Variants in TEX36 observed in about 807,000 individuals in gnomAD.
TEX36 encodes the protein testis-expressed protein 36.
TEX36 carries 12 observed loss-of-function variants against 13.6 expected under a neutral mutation model. That is an observed-to-expected ratio of 0.88 (90% confidence interval 0.56 to 1.43). The LOEUF (loss-of-function observed/expected upper bound fraction) is 1.43, where lower values mean the gene tolerates loss of function less well. Among genes scored for constraint, TEX36 ranks in the 40% most tolerant of loss-of-function variants. The pLI is 0.00. For synonymous variants in TEX36, 93 were observed against 83.0 expected (o/e 1.12, Z -0.65); for missense variants, 224 against 228.3 (o/e 0.98, Z 0.12).
intron 2 of TEX36, 54 bp from the exon 3 acceptor site, chr10:125,661,155 C>G: frequency 8.5e-6 from 12 of 1,411,366 alleles, no homozygotes; most frequent in Non-Finnish European, 1.2e-5. Context: ...TGCATGCTTT[C>G]AGAACTGGGA....
exon 4 of TEX36, chr10:125,576,596 A>T (rs762426342): frequency 3.6e-5 from 39 of 1,092,394 alleles, no homozygotes; most frequent in Non-Finnish European, 4.8e-5. Context: ...ATTTCTCCAT[A>T]GCTGGAAATT....
chr10:125,606,272 A>C (rs977219150), intron 3 of TEX36, among the ~76,000 whole-genome samples: 2 of 152,232 alleles, frequency 1.3e-5, no homozygotes, highest in Non-Finnish European at 2.9e-5. Context: ...CTATGTTTTC[A>C]AACATCTCTC....
chr10:125,643,305 T>A (rs952067071), intron 3 of TEX36, among the ~76,000 whole-genome samples: 5 of 152,160 alleles, frequency 3.3e-5, no homozygotes, highest in Non-Finnish European at 5.9e-5. Context: ...GAAGAACGTA[T>A]ATACTGCTCA....
intron 3 of TEX36, among the ~76,000 whole-genome samples, chr10:125,609,341 TCAGATGTGTGG>T (rs1423804025): frequency 6.6e-6 from 1 of 152,144 alleles, no homozygotes; most frequent in Non-Finnish European, 1.5e-5. Flanking sequence ...TTCAGTGTCT[TCAGATGTGTGG>T]CAGACACTGC....
chr10:125,590,732 G>A (rs1354733378), intron 3 of TEX36, among the ~76,000 whole-genome samples: 1 of 152,134 alleles, frequency 6.6e-6, no homozygotes, highest in Non-Finnish European at 1.5e-5. Context: ...TAGCTATAAT[G>A]AGAATAATAT....
chr10:125,663,896 T>C (rs1222862216), intron 1 of TEX36, among the ~76,000 whole-genome samples: 1 of 152,210 alleles, frequency 6.6e-6, no homozygotes, highest in Non-Finnish European at 1.5e-5. Context: ...TACAATAGAT[T>C]ATGATTGACT....
chr10:125,666,047 C>G (rs1229104089), intron 1 of TEX36, among the ~76,000 whole-genome samples: 1 of 152,002 alleles, frequency 6.6e-6, no homozygotes, highest in East Asian at 1.9e-4. Context: ...GATTTTGTAT[C>G]CTGCAACTTT....
chr10:125,657,435 G>A (rs145296590), intron 3 of TEX36, among the ~76,000 whole-genome samples: 3 of 152,132 alleles, frequency 2.0e-5, no homozygotes, highest in Admixed American at 1.3e-4. Context: ...AGTGTATGAC[G>A]CGGGGCACAA....
intron 3 of TEX36, among the ~76,000 whole-genome samples, chr10:125,612,482 T>G (rs1846303075): frequency 6.6e-6 from 1 of 152,200 alleles, no homozygotes; most frequent in Non-Finnish European, 1.5e-5. Context: ...CTGTTCTATT[T>G]AGCTCAGCTA....
intron 1 of TEX36, among the ~76,000 whole-genome samples, chr10:125,665,849 A>G (rs1212024642): frequency 6.6e-6 from 1 of 152,012 alleles, no homozygotes; most frequent in Non-Finnish European, 1.5e-5. Context: ...ATATTTTTCC[A>G]TTTGTTTGTG....
intron 3 of TEX36, among the ~76,000 whole-genome samples, chr10:125,659,023 TA>T (rs1443550207): frequency 6.6e-6 from 1 of 152,094 alleles, no homozygotes; most frequent in Non-Finnish European, 1.5e-5. Flanking sequence ...ATGAATTAGA[TA>T]AATTTTAGGC....
downstream of TEX36, among the ~76,000 whole-genome samples, chr10:125,619,229 C>T (rs1359900606): frequency 6.6e-6 from 1 of 152,086 alleles, no homozygotes; most frequent in Admixed American, 6.5e-5. Flanking sequence ...AAAATAAACC[C>T]TAAAGCACTG....
intron 3 of TEX36, among the ~76,000 whole-genome samples, chr10:125,579,520 A>C (rs565418918): frequency 6.6e-6 from 1 of 152,324 alleles, no homozygotes; most frequent in East Asian, 1.9e-4. Flanking sequence ...GACACAGTCA[A>C]ATCATGTCAC....
intron 3 of TEX36, among the ~76,000 whole-genome samples, chr10:125,640,833 A>C (rs777406383): frequency 3.3e-5 from 5 of 152,094 alleles, no homozygotes; most frequent in African/African-American, 4.8e-5. Flanking sequence ...GAAGGAGAAA[A>C]TTGATTCTTC....
At chr10:125,615,836 T>G (rs563121451) in intron 3 of TEX36, among the ~76,000 whole-genome samples, 1 of 152,308 alleles carries the variant, frequency 6.6e-6, no homozygotes, top group South Asian at 2.1e-4. Context: ...TTCTATTGAT[T>G]GGAATAGTTT....
intron 3 of TEX36, among the ~76,000 whole-genome samples, chr10:125,614,309 G>A (rs1384898056): frequency 6.6e-6 from 1 of 152,082 alleles, no homozygotes; most frequent in Admixed American, 6.6e-5. Flanking sequence ...GTCAATTTTG[G>A]CTTTTGTTGC....
At chr10:125,640,753 G>A (rs1016209507) in intron 3 of TEX36, among the ~76,000 whole-genome samples, 8 of 152,112 alleles carry the variant, frequency 5.3e-5, no homozygotes, top group African/African-American at 1.9e-4. Flanking sequence ...GGGCTGAAGG[G>A]GATCTTCCCA....
At position 125,640,157 on chromosome 10, in the gene TEX36, C is replaced by A. The variant is rs902825053; in HGVS notation, c.265-18512G>T. ...TCCCCTGCAGATGTTACAGCCAGAT[C>A]AGTGCCCAAGTGGAGTAGAAATCAT... On this transcript the variant is annotated intron_variant, in intron 3 of 3. Transcript: ENST00000526819. 10 of 985,432 alleles carry A rather than the reference C, an allele frequency of 1.0e-5. 1 individual carries two copies. The South Asian group carries it at 3.8e-4, about 37-fold the overall frequency. The allele number at this position is 985,432 out of a possible 1,614,324, so 61.0% of individuals were successfully genotyped here. A position where few individuals can be genotyped will look rare whatever the true frequency, so the allele number is the denominator to read the frequency against.
At chr10:125,641,912 T>C (rs1846698508) in intron 3 of TEX36, among the ~76,000 whole-genome samples, 1 of 152,252 alleles carries the variant, frequency 6.6e-6, no homozygotes, top group Admixed American at 6.5e-5. Flanking sequence ...ATCTCTTTTG[T>C]AGAAAACTAT....
Sources: allele counts gnomAD v4.1 joint callset (sites outside exome capture counted in the v4.1 genomes callset), GRCh38; gene constraint gnomAD v4.1.1; transcripts MANE v1.5; gene names NCBI Gene and HGNC (gene_info 2026-07-23, HGNC 2026-07-21).